Variants in DUSP16 observed in about 807,000 individuals in gnomAD.
DUSP16 encodes the protein dual specificity phosphatase 16.
In DUSP16, 21 loss-of-function variants were observed where a neutral mutation model predicts 58.3. The ratio of observed to expected loss-of-function variants is 0.36; its 90% confidence interval spans 0.26 to 0.52. The LOEUF is 0.52. Ranked by LOEUF, DUSP16 falls within the 20% of genes least tolerant of loss-of-function variation. The pLI is 0.94. For missense variants in DUSP16, 726 were observed against 819.0 expected, an observed-to-expected ratio of 0.89 and a Z score of 1.39; for synonymous variants, 320 against 323.8, an observed-to-expected ratio of 0.99 and a Z score of 0.12.
At chr12:12,546,335 C>T (rs970930779) in intron 1 of DUSP16, among the ~76,000 whole-genome samples, 6 of 152,088 alleles carry the variant, frequency 3.9e-5, no homozygotes, top group African/African-American at 1.2e-4. Flanking sequence ...GATAAGTAGC[C>T]CCAAAGGGCC....
At chr12:12,514,797 T>C (rs894394339) in intron 3 of DUSP16, among the ~76,000 whole-genome samples, 11 of 152,060 alleles carry the variant, frequency 7.2e-5, no homozygotes, top group African/African-American at 2.2e-4. Context: ...GCTGGGACTA[T>C]AGGTATGATA....
chr12:12,560,259 C>T (rs1566068541), intron 1 of DUSP16, among the ~76,000 whole-genome samples: 1 of 151,878 alleles, frequency 6.6e-6, no homozygotes, highest in Non-Finnish European at 1.5e-5. Flanking sequence ...AATTAATTAC[C>T]ACAGTTTACA....
At chr12:12,492,460 C>T (rs1259402351) in intron 4 of DUSP16, among the ~76,000 whole-genome samples, 7 of 152,130 alleles carry the variant, frequency 4.6e-5, no homozygotes, top group Non-Finnish European at 7.3e-5. Flanking sequence ...CCAATCCCTC[C>T]GCTTGCTAAA....
At chr12:12,490,282 T>C (rs1366054585) in intron 4 of DUSP16, among the ~76,000 whole-genome samples, 1 of 152,210 alleles carries the variant, frequency 6.6e-6, no homozygotes, top group Non-Finnish European at 1.5e-5. Flanking sequence ...GCTTTATTTA[T>C]AAAATTTTTA....
chr12:12,523,911 A>C (rs1343773122), intron 1 of DUSP16, among the ~76,000 whole-genome samples: 1 of 152,208 alleles, frequency 6.6e-6, no homozygotes, highest in African/African-American at 2.4e-5. Flanking sequence ...GTGGCACAGA[A>C]AGTGGAAATC....
intron 5 of DUSP16, among the ~76,000 whole-genome samples, chr12:12,484,115 TAAATAAAAAGCAAGA>T (rs1196843778): frequency 1.3e-5 from 2 of 151,920 alleles, no homozygotes; most frequent in Non-Finnish European, 2.9e-5. Flanking sequence ...TCTGCTTGAG[TAAATAAAAAGCAAGA>T]ACAACAACAA....
Position 12,500,569 on chromosome 12 carries a change from G to A in DUSP16, c.481C>T (p.Arg161Ter), listed in dbSNP as rs765179082. Residue 161 changes from arginine to a stop codon, truncating the protein, a stop_gained, in exon 4 of 7, where the codon CGA becomes TGA. Transcript: ENST00000298573. LOFTEE classifies it high-confidence loss of function. ...CLPVANIGPT[R>*]ILPNLYLGCQ... The stretch of plus-strand genomic sequence containing the variant: ...CCAAGATAAAGATTGGGAAGAATTC[G>A]GGTTGGCCCAATGTTGGCAACAGGT... 2 of 1,611,796 alleles carry A rather than the reference G, an allele frequency of 1.2e-6. No homozygotes were observed. The highest frequency in any genetic ancestry group is 1.3e-5 in the African/African-American group (1 of 74,936).
At chr12:12,560,927 T>C (rs1190160961) in intron 1 of DUSP16, 1 of 100,072 alleles carries the variant, frequency 1.0e-5, no homozygotes, top group South Asian at 3.4e-4. Flanking sequence ...GTCCTAAACT[T>C]TTGCATGGAT....
At chr12:12,498,374 CATGCATTTCT>C (rs1592175674) in intron 4 of DUSP16, among the ~76,000 whole-genome samples, 1 of 151,598 alleles carries the variant, frequency 6.6e-6, no homozygotes, top group African/African-American at 2.4e-5. Flanking sequence ...AGAGGTCAAA[CATGCATTTCT>C]TTATTTTATT....
intron 2 of DUSP16, among the ~76,000 whole-genome samples, chr12:12,520,267 A>C (rs933523544): frequency 2.6e-5 from 4 of 152,234 alleles, no homozygotes; most frequent in African/African-American, 9.6e-5. Flanking sequence ...AGTTCATAAT[A>C]AACCAAACAA....
At position 12,477,204 on chromosome 12, in the gene DUSP16, T is replaced by C; in HGVS notation, c.1627A>G (p.Ile543Val). ...GGGGTAGAGGTCTGGGGGGCCAAGA[T>C]ATCCGAGTGCCAGCCCTTAAGGCCC... Reference protein sequence around the residue: ...GLGLKGWHSDILAPQTSTPSL... With the variant: ...GLGLKGWHSDVLAPQTSTPSL... The change falls in exon 7 of 7, where the codon ATC (isoleucine) becomes GTC (valine). Residue 543 changes from isoleucine (I) to valine (V), a missense_variant. Transcript: ENST00000298573. The surrounding 1 kb of genome is among the most constrained non-coding windows in gnomAD (Gnocchi z 4.1). The C allele has an allele frequency of 1.2e-6, 2 of 1,614,166 alleles. No homozygotes were observed. Among genetic ancestry groups the C allele is most frequent in the East Asian group, 2.2e-5 (1 of 44,874 alleles).
intron 1 of DUSP16, among the ~76,000 whole-genome samples, chr12:12,541,070 C>A (rs373737675): frequency 1.3e-5 from 2 of 150,828 alleles, no homozygotes; most frequent in Non-Finnish European, 3.0e-5. Context: ...GTGATCCCCC[C>A]AGCTCAGCCT....
chr12:12,547,830 G>A (rs1266358563), intron 1 of DUSP16, among the ~76,000 whole-genome samples: 2 of 152,100 alleles, frequency 1.3e-5, no homozygotes, highest in Admixed American at 6.6e-5. Context: ...AGATTCCAAG[G>A]AAATCTTAGA....
chr12:12,562,738 G>A lies in DUSP16; in HGVS notation c.-987C>T, dbSNP rs1425159027. On this transcript the variant is annotated 5_prime_UTR_variant, in exon 1 of 7. Transcript: ENST00000298573. ...GGAGACAGGCGAGGGCAGGGCGGTG[G>A]GCGCCGGGCGGGGCCGCGCGCTCGC... Among the ~76,000 whole-genome samples the A allele has an allele frequency of 1.3e-5, 2 of 151,434 alleles. No individual in the cohort carries two copies. The highest frequency in any genetic ancestry group is 4.8e-5 in the African/African-American group (2 of 41,362).
intron 1 of DUSP16, among the ~76,000 whole-genome samples, chr12:12,540,703 T>G (rs184024462): frequency 1.3e-5 from 2 of 152,308 alleles, no homozygotes; most frequent in East Asian, 3.9e-4. Flanking sequence ...GTATTTATTC[T>G]GGACGCTCTC....
chr12:12,481,742 A>C (rs1164230264), intron 5 of DUSP16, among the ~76,000 whole-genome samples: 1 of 152,164 alleles, frequency 6.6e-6, no homozygotes. Context: ...ACACTCAAAC[A>C]AAGAATTGCA....
chr12:12,540,295 A>C (rs1314363324), intron 1 of DUSP16, among the ~76,000 whole-genome samples: 1 of 152,052 alleles, frequency 6.6e-6, no homozygotes, highest in Non-Finnish European at 1.5e-5. Flanking sequence ...TTGCCACTGC[A>C]CTCCAGCCTG....
At position 12,474,772 on chromosome 12, in the gene DUSP16, T is replaced by C. The variant is rs1943390475; in HGVS notation, c.*2061A>G. ...TTAGCAAGGAGCTACTGCTTTCCTTTCTTAAACATGTTTTGGGCATGACCA... is the reference window on the plus strand; with the variant it reads ...TTAGCAAGGAGCTACTGCTTTCCTTCCTTAAACATGTTTTGGGCATGACCA... On this transcript the variant is annotated 3_prime_UTR_variant, in exon 7 of 7. Coordinates refer to ENST00000298573, the MANE Select transcript of DUSP16 (RefSeq NM_030640.3). The C allele has an allele frequency of 6.6e-6, 1 of 152,254 alleles. No individual in the cohort carries two copies. Among genetic ancestry groups the C allele is most frequent in the Non-Finnish European group, 1.5e-5 (1 of 68,052 alleles). The allele number at this position is 152,254 out of a possible 1,614,324, so 9.4% of individuals were successfully genotyped here. A position where few individuals can be genotyped will look rare whatever the true frequency, so the allele number is the denominator to read the frequency against.
chr12:12,546,064 TATAAAA>T (rs1944637371), intron 1 of DUSP16, among the ~76,000 whole-genome samples: 1 of 152,172 alleles, frequency 6.6e-6, no homozygotes. Context: ...GAAATTACAC[TATAAAA>T]ATAAGTTATA....
Sources: allele counts gnomAD v4.1 joint callset (sites outside exome capture counted in the v4.1 genomes callset), GRCh38; gene constraint gnomAD v4.1.1; non-coding constraint Gnocchi (gnomAD v3.1); transcripts MANE v1.5; gene names NCBI Gene and HGNC (gene_info 2026-07-23, HGNC 2026-07-21).